The following SIRPA variants were observed in gnomAD, a reference collection of about 807,000 sequenced individuals.
The protein encoded by SIRPA is tyrosine-protein phosphatase non-receptor type substrate 1.
SIRPA carries 9 observed loss-of-function variants against 50.3 expected under a neutral mutation model. The observed-to-expected ratio is 0.18, with a 90% CI of 0.11 to 0.31. The LOEUF (loss-of-function observed/expected upper bound fraction) is 0.31, where lower values mean the gene tolerates loss of function less well. Among genes scored for constraint, SIRPA ranks in the 10% least tolerant of loss-of-function variants. The pLI, the probability that SIRPA is intolerant of heterozygous loss-of-function variation, is 1.00. For synonymous variants in SIRPA, 265 were observed against 284.1 expected, an observed-to-expected ratio of 0.93 and a Z score of 0.68; for missense variants, 474 against 661.6, an observed-to-expected ratio of 0.72 and a Z score of 3.11.
chr20:1,920,375 T>C (rs1391119078), intron 2 of SIRPA, among the ~76,000 whole-genome samples: 2 of 152,218 alleles, frequency 1.3e-5, no homozygotes, highest in South Asian at 2.1e-4. Context: ...ATGTGTGATA[T>C]GTGCTTCCTG....
In SIRPA at chr20:1,934,823, T is replaced by G. The variant is rs1600463127; in HGVS notation, c.1266+69T>G. 1.3e-6 allele frequency: 2 copies of G among 1,547,832 alleles called. No individual in the cohort carries two copies. Among genetic ancestry groups the G allele is most frequent in the Admixed American group, 1.7e-5 (1 of 59,702 alleles). On this transcript the variant is annotated intron_variant, in intron 7 of 7. Transcript: ENST00000358771. The surrounding 1 kb of genome is among the most constrained non-coding windows in gnomAD (Gnocchi z 4.6). ...GTGGTTGCTTCACATCAACCGGAATTGCAGATCTGGTTCTAAATTAAGACT... is the reference window on the plus strand; with the variant it reads ...GTGGTTGCTTCACATCAACCGGAATGGCAGATCTGGTTCTAAATTAAGACT...
chr20:1,921,687 T>C lies in SIRPA; in HGVS notation c.729T>C (p.Thr243=), dbSNP rs1267030734. Residue 243 remains threonine (T), a synonymous_variant, in exon 3 of 8, where the codon ACT becomes ACC. Coordinates refer to ENST00000358771, the MANE Select transcript of SIRPA (RefSeq NM_001040023.2). ...TGCAGGGGGACCCTCTTCGTGGGAC[T>C]GCCAACTTGTCTGAGACCATCCGAG... ...VTLQGDPLRG[T]ANLSETIRVP... is the part of the protein sequence containing the mutation. 1 of 1,614,048 alleles carries C rather than the reference T, an allele frequency of 6.2e-7. No individual in the cohort carries two copies. The highest frequency in any genetic ancestry group is 1.3e-5 in the African/African-American group (1 of 74,904).
chr20:1,901,780 C>CA (rs1280197704), intron 1 of SIRPA, among the ~76,000 whole-genome samples: 1 of 152,084 alleles, frequency 6.6e-6, no homozygotes, highest in Non-Finnish European at 1.5e-5. Flanking sequence ...TTCGGGGGCG[C>CA]AGGGTGTTAG....
At chr20:1,919,423 T>C (rs1985509973) in intron 2 of SIRPA, among the ~76,000 whole-genome samples, 2 of 152,004 alleles carry the variant, frequency 1.3e-5, no homozygotes, top group South Asian at 4.2e-4. Context: ...CTTTTCAGGG[T>C]GTGGATGCTT....
chr20:1,934,763 C>T lies in SIRPA; in HGVS notation c.1266+9C>T. 1 of 1,613,960 alleles carries T rather than the reference C, an allele frequency of 6.2e-7. No homozygotes were observed. The highest frequency in any genetic ancestry group is 8.5e-7 in the Non-Finnish European group (1 of 1,179,966). ...CCAGAGAAATAACACAGGTACAGTCCTTGGTGAGATGCCCTTCCTGGGAAA... is the reference window on the plus strand; with the variant it reads ...CCAGAGAAATAACACAGGTACAGTCTTTGGTGAGATGCCCTTCCTGGGAAA... On this transcript the variant is annotated intron_variant, in intron 7 of 7. Coordinates refer to ENST00000358771, the MANE Select transcript of SIRPA (RefSeq NM_001040023.2). This position sits in a 1 kb window ranked among gnomAD's most constrained non-coding sequence, Gnocchi z 4.6.
chr20:1,923,759 C>G (rs1985806466), intron 4 of SIRPA, among the ~76,000 whole-genome samples: 2 of 152,232 alleles, frequency 1.3e-5, no homozygotes, highest in African/African-American at 4.8e-5. Context: ...ATGTTGCATA[C>G]TTGGCTGTGT....
At chr20:1,896,169 C>T (rs555137155) in intron 1 of SIRPA, among the ~76,000 whole-genome samples, 23 of 152,286 alleles carry the variant, frequency 1.5e-4, no homozygotes, top group African/African-American at 5.3e-4. Context: ...TTGCCAAAGC[C>T]TCTCCCTGGT....
intron 4 of SIRPA, 111 bp downstream of exon 4, chr20:1,922,756 T>C: frequency 7.8e-7 from 1 of 1,278,254 alleles, no homozygotes; most frequent in Admixed American, 2.8e-5. Flanking sequence ...TAGAAGTCTA[T>C]AAATATAAAG....
In SIRPA at chr20:1,928,276, A is replaced by T. The variant is rs1203561686; in HGVS notation, c.1226+377A>T. Among the ~76,000 whole-genome samples, 1 of 152,150 alleles carries T rather than the reference A, an allele frequency of 6.6e-6. No individual in the cohort carries two copies. The highest frequency in any genetic ancestry group is 1.5e-5 in the Non-Finnish European group (1 of 68,036). ...TTACTCTTTCCTTTGTTTAGTAAAT[A>T]TTTATTGAGTACCTTGGCGTGCTGT... On this transcript the variant is annotated intron_variant, in intron 6 of 7. Transcript: ENST00000358771. This position sits in a 1 kb window ranked among gnomAD's most constrained non-coding sequence, Gnocchi z 4.9.
At chr20:1,913,620 C>T (rs1985035702) in intron 1 of SIRPA, among the ~76,000 whole-genome samples, 1 of 152,218 alleles carries the variant, frequency 6.6e-6, no homozygotes, top group Non-Finnish European at 1.5e-5. Flanking sequence ...TACCAGGTAG[C>T]TGCCACTCCT....
intron 1 of SIRPA, among the ~76,000 whole-genome samples, chr20:1,901,163 CTTTTTTT>C (rs869181595): frequency 4.4e-4 from 35 of 78,888 alleles, no homozygotes; most frequent in East Asian, 1.1e-3. Context: ...TTCTTTCTTT[CTTTTTTT>C]TTTTTTTTTT....
At position 1,898,617 on chromosome 20, in the gene SIRPA, T is replaced by G. The variant is rs1983971184; in HGVS notation, c.79+3091T>G. Among the ~76,000 whole-genome samples the G allele has an allele frequency of 6.6e-6, 1 of 152,054 alleles. No individual in the cohort carries two copies. Among genetic ancestry groups the G allele is most frequent in the South Asian group, 2.1e-4 (1 of 4,820 alleles). ...AAGTGATAGAGAGGAGCCAGGATTT[T>G]GGATGCTGGCCTTCCTGCTGGGTGG... On this transcript the variant is annotated intron_variant, in intron 1 of 7. Coordinates refer to ENST00000358771, the MANE Select transcript of SIRPA (RefSeq NM_001040023.2). The surrounding 1 kb of genome is among the most constrained non-coding windows in gnomAD (Gnocchi z 4.3).
Position 1,927,798 on chromosome 20 carries a change from C to T in SIRPA, c.1202-77C>T. ...CCTCTCCATGTCCCTGGAGGCAAAC[C>T]TTTTGCCAAAAAATAGTTACATAAG... On this transcript the variant is annotated intron_variant, in intron 5 of 7. Coordinates refer to ENST00000358771, the MANE Select transcript of SIRPA (RefSeq NM_001040023.2). The surrounding 1 kb of genome is among the most constrained non-coding windows in gnomAD (Gnocchi z 6.5). 5.0e-6 allele frequency: 7 copies of T among 1,395,162 alleles called. No homozygotes were observed. Among genetic ancestry groups the T allele is most frequent in the Non-Finnish European group, 7.1e-6 (7 of 980,604 alleles). 86.4% of individuals were successfully genotyped at this position (1,395,162 alleles called of 1,614,324 possible). A position where few individuals can be genotyped will look rare whatever the true frequency, so the allele number is the denominator to read the frequency against.
At chr20:1,913,870 T>A (rs1985054206) in intron 1 of SIRPA, among the ~76,000 whole-genome samples, 1 of 152,174 alleles carries the variant, frequency 6.6e-6, no homozygotes, top group Non-Finnish European at 1.5e-5. Flanking sequence ...TCTTCCTGTC[T>A]GGGCTCCCCC....
chr20:1,916,399 A>G (rs6111968), intron 2 of SIRPA, among the ~76,000 whole-genome samples: 1 of 151,964 alleles, frequency 6.6e-6, no homozygotes, highest in Non-Finnish European at 1.5e-5. Flanking sequence ...CAGGATCTGG[A>G]CCAGAGCCCA....
intron 1 of SIRPA, among the ~76,000 whole-genome samples, chr20:1,896,651 TAGC>T (rs1248917311): frequency 6.6e-6 from 1 of 152,024 alleles, no homozygotes; most frequent in Non-Finnish European, 1.5e-5. Flanking sequence ...AACCATCTGA[TAGC>T]AGGGAGAAAG....
rs1389392330 is a variant in SIRPA, at chr20:1,934,480, G to C, written c.1227-235G>C. On this transcript the variant is annotated intron_variant, in intron 6 of 7. Coordinates refer to ENST00000358771, the MANE Select transcript of SIRPA (RefSeq NM_001040023.2). This position sits in a 1 kb window ranked among gnomAD's most constrained non-coding sequence, Gnocchi z 4.6. Reference sequence around the variant, plus strand: ...AGCACCAAGTATTATAATTTTTAAAGATCCTTGCCAATAGAGTAGGTTAAA... The same window carrying C: ...AGCACCAAGTATTATAATTTTTAAACATCCTTGCCAATAGAGTAGGTTAAA... Among the ~76,000 whole-genome samples, 1 of 152,140 alleles carries C rather than the reference G, an allele frequency of 6.6e-6. No homozygotes were observed. Among genetic ancestry groups the C allele is most frequent in the Non-Finnish European group, 1.5e-5 (1 of 68,022 alleles).
chr20:1,904,117 C>T (rs931084679), intron 1 of SIRPA, among the ~76,000 whole-genome samples: 1 of 151,926 alleles, frequency 6.6e-6, no homozygotes, highest in Non-Finnish European at 1.5e-5. Context: ...CTACCACAGT[C>T]CCCCCCCTGC....
chr20:1,900,776 G>A (rs1908751286), intron 1 of SIRPA, among the ~76,000 whole-genome samples: 1 of 152,218 alleles, frequency 6.6e-6, no homozygotes, highest in Non-Finnish European at 1.5e-5. Flanking sequence ...ACAGGATCCC[G>A]AATTCCCCGG....
Sources: allele counts gnomAD v4.1 joint callset (sites outside exome capture counted in the v4.1 genomes callset), GRCh38; gene constraint gnomAD v4.1.1; non-coding constraint Gnocchi (gnomAD v3.1); transcripts MANE v1.5; gene names NCBI Gene and HGNC (gene_info 2026-07-23, HGNC 2026-07-21).